Variants in NTRK2 observed in about 807,000 individuals in gnomAD.
The protein encoded by NTRK2 is neurotrophic receptor tyrosine kinase 2.
A neutral mutation model predicts 94.5 loss-of-function variants in NTRK2; 13 were observed. The observed-to-expected ratio is 0.14, with a 90% CI of 0.09 to 0.22. The LOEUF is 0.22. NTRK2 is among the 10% of genes least tolerant of loss of function. NTRK2 has a pLI of 1.00. For missense variants in NTRK2, 639 were observed against 1,071.2 expected (o/e 0.60, Z 5.63); for synonymous variants, 372 against 407.4 (o/e 0.91, Z 1.05).
intron 6 of NTRK2, among the ~76,000 whole-genome samples, chr9:84,712,989 A>G (rs920855502): frequency 9.2e-5 from 14 of 152,222 alleles, no homozygotes; most frequent in Admixed American, 6.5e-5. Flanking sequence ...TCTAGAATAC[A>G]CAGAAAGAAG....
chr9:84,876,177 T>C, intron 14 of NTRK2: 1 of 1,041,224 alleles, frequency 9.6e-7, no homozygotes, highest in Non-Finnish European at 1.2e-6. Context: ...GCATTTGGAC[T>C]GAGTGCCATA....
At chr9:84,808,379 T>C (rs2071370209) in intron 12 of NTRK2, among the ~76,000 whole-genome samples, 1 of 152,222 alleles carries the variant, frequency 6.6e-6, no homozygotes, top group Non-Finnish European at 1.5e-5. Context: ...AATAAGCCTT[T>C]ATACCAGCAG....
chr9:84,901,719 G>T (rs902734050), intron 14 of NTRK2, among the ~76,000 whole-genome samples: 3 of 152,016 alleles, frequency 2.0e-5, no homozygotes, highest in Admixed American at 2.0e-4. Flanking sequence ...GGTGCTAAGA[G>T]TGAGCTAACC....
chr9:84,705,193 C>A (rs1016595330), intron 4 of NTRK2, among the ~76,000 whole-genome samples: 3 of 151,890 alleles, frequency 2.0e-5, no homozygotes, highest in Non-Finnish European at 4.4e-5. Context: ...TCACTTTCAC[C>A]ACTTCTCCCC....
chr9:84,704,291 C>T (rs1373989030), intron 4 of NTRK2, among the ~76,000 whole-genome samples: 1 of 131,794 alleles, frequency 7.6e-6, no homozygotes, highest in Non-Finnish European at 1.5e-5. Context: ...TGCAGTGGCT[C>T]GATCTCGGCT....
At chr9:84,838,716 A>ATTCACTATTATAATAG (rs2074011863) in intron 12 of NTRK2, among the ~76,000 whole-genome samples, 1 of 152,228 alleles carries the variant, frequency 6.6e-6, no homozygotes, top group South Asian at 2.1e-4. Flanking sequence ...GTATATTGTA[A>ATTCACTATTATAATAG]TTCACTATTA....
chr9:84,965,947 G>A (rs1825508195), intron 17 of NTRK2, among the ~76,000 whole-genome samples: 1 of 152,136 alleles, frequency 6.6e-6, no homozygotes, highest in South Asian at 2.1e-4. Flanking sequence ...CATCAACGTA[G>A]CATAATACTG....
At chr9:84,752,702 G>A (rs905975945) in intron 12 of NTRK2, among the ~76,000 whole-genome samples, 1 of 152,116 alleles carries the variant, frequency 6.6e-6, no homozygotes, top group African/African-American at 2.4e-5. Flanking sequence ...TTAGAGGATG[G>A]AAAATTAATT....
chr9:84,995,862 G>A (rs149787002), intron 17 of NTRK2, among the ~76,000 whole-genome samples: 93 of 152,266 alleles, frequency 6.1e-4, no homozygotes, highest in African/African-American at 2.2e-3. Context: ...ACATTCACTT[G>A]TCTAAAGGTA....
At chr9:84,807,678 T>A (rs1215686737) in intron 12 of NTRK2, among the ~76,000 whole-genome samples, 1 of 152,224 alleles carries the variant, frequency 6.6e-6, no homozygotes, top group Non-Finnish European at 1.5e-5. Flanking sequence ...GTCTAAAAAC[T>A]TTCCCCCTCA....
At chr9:84,705,155 T>C (rs1404442504) in intron 4 of NTRK2, among the ~76,000 whole-genome samples, 14 of 152,028 alleles carry the variant, frequency 9.2e-5, no homozygotes, top group African/African-American at 3.4e-4. Context: ...CTTCGGGTTT[T>C]AGGGAAATTT....
rs549353431 is a variant in NTRK2, at chr9:85,023,836, G to A, written c.*2399G>A. On this transcript the variant is annotated 3_prime_UTR_variant, in exon 19 of 19. Transcript: ENST00000277120. ...GCTGCATGTCTGGCCAGCTAATCTC[G>A]GGGGAAAAGCTACAAGTTATTTATT... is the stretch of plus-strand genomic sequence containing the variant. The A allele has an allele frequency of 6.1e-5, 14 of 229,024 alleles. No homozygotes were observed. Among genetic ancestry groups the A allele is most frequent in the East Asian group, 3.7e-4 (6 of 16,024 alleles). 14.2% of individuals were successfully genotyped at this position (229,024 alleles called of 1,614,324 possible).
At chr9:84,970,303 A>G (rs1022581882) in intron 17 of NTRK2, among the ~76,000 whole-genome samples, 1 of 152,142 alleles carries the variant, frequency 6.6e-6, no homozygotes, top group African/African-American at 2.4e-5. Context: ...AGGCTGAGGC[A>G]TGAGGAGGTT....
At chr9:84,894,971 T>C (rs954164194) in intron 14 of NTRK2, among the ~76,000 whole-genome samples, 2 of 152,018 alleles carry the variant, frequency 1.3e-5, no homozygotes, top group Admixed American at 6.6e-5. Flanking sequence ...CAAGCTTATC[T>C]AAGCAATAAT....
chr9:84,740,512 C>T (rs1164405571), intron 9 of NTRK2, among the ~76,000 whole-genome samples: 1 of 152,210 alleles, frequency 6.6e-6, no homozygotes, highest in Non-Finnish European at 1.5e-5. Flanking sequence ...TGCACAATTT[C>T]CCATCACATG....
At chr9:84,977,566 T>G (rs2133197800) in intron 17 of NTRK2, among the ~76,000 whole-genome samples, 1 of 152,286 alleles carries the variant, frequency 6.6e-6, no homozygotes, top group East Asian at 1.9e-4. Flanking sequence ...GAACCTTGAG[T>G]GTTGGTTTTG....
At chr9:84,873,390 A>G in intron 14 of NTRK2, 3 of 1,059,014 alleles carry the variant, frequency 2.8e-6, no homozygotes, top group Non-Finnish European at 3.4e-6. Context: ...ATCCTTAAAA[A>G]TTGCTTCTTT....
chr9:84,671,981 T>A (rs2058726692), intron 2 of NTRK2, among the ~76,000 whole-genome samples: 2 of 152,194 alleles, frequency 1.3e-5, no homozygotes, highest in African/African-American at 4.8e-5. Flanking sequence ...TTTATTCGTA[T>A]ACGTGGAAGA....
rs1384059563 is a variant in NTRK2, at chr9:85,004,004, G to GA, written c.2173-16199dup. On this transcript the variant is annotated intron_variant, in intron 17 of 18. Coordinates refer to ENST00000277120, the MANE Select transcript of NTRK2 (RefSeq NM_006180.6). ...GAGAAAGAAGAAGGAAAGAAAGAAA[G>GA]AAAGAAAAGAAAGAGAGAAAGAAAG... 1.6e-3 allele frequency among the ~76,000 whole-genome samples: 218 copies of GA among 134,430 alleles called. 3 individuals are homozygous for GA. The highest frequency in any genetic ancestry group is 5.4e-3 in the African/African-American group (185 of 34,240). The allele number at this position is 134,430 out of a possible 152,430, so 88.2% of individuals were successfully genotyped here.
Sources: gnomAD v4.1 joint callset for allele counts (sites outside exome capture counted in the v4.1 genomes callset) on GRCh38, gnomAD v4.1.1 for gene constraint, MANE v1.5 for transcripts, NCBI Gene and HGNC (gene_info 2026-07-23, HGNC 2026-07-21) for gene names.